The following BTNL9 variants were observed in gnomAD, a reference collection of about 807,000 sequenced individuals.
The protein encoded by BTNL9 is butyrophilin-like protein 9.
A neutral mutation model predicts 45.8 loss-of-function variants in BTNL9; 45 were observed. The ratio of observed to expected loss-of-function variants is 0.98; its 90% CI spans 0.77 to 1.26. The LOEUF (loss-of-function observed/expected upper bound fraction) is 1.26, where lower values mean the gene tolerates loss of function less well. Among genes scored for constraint, BTNL9 ranks in the 50% most tolerant of loss-of-function variants. BTNL9 has a pLI of 0.00. For synonymous variants in BTNL9, 346 were observed against 330.8 expected (o/e 1.05, Z -0.50); for missense variants, 784 against 729.7 (o/e 1.07, Z -0.86).
At chr5:181,049,999 G>A (rs1761445924) in intron 3 of BTNL9, 89 bp from the exon 4 acceptor site, 1 of 1,480,670 alleles carries the variant, frequency 6.8e-7, no homozygotes. Context: ...ATGCTTTATG[G>A]TGACTGCAAA....
Position 181,059,268 on chromosome 5 carries a change from C to A in BTNL9, c.1014C>A (p.His338Gln). ...VDVTLDPASAHPSLEVSEDGK... is the reference protein window; with the variant it reads ...VDVTLDPASAQPSLEVSEDGK... ...TGACGCTGGACCCGGCCTCGGCGCA[C>A]CCCAGCCTGGAGGTGTCGGAGGATG... is the stretch of plus-strand genomic sequence containing the variant. Residue 338 changes from histidine (H) to glutamine (Q), a missense_variant, in exon 11 of 11, where the codon CAC becomes CAA. Transcript: ENST00000327705. 2 of 1,570,154 alleles carry A rather than the reference C, an allele frequency of 1.3e-6. No individual in the cohort carries two copies. Among genetic ancestry groups the A allele is most frequent in the Non-Finnish European group, 1.7e-6 (2 of 1,166,834 alleles).
Position 181,059,345 on chromosome 5 carries a change from C to A in BTNL9, c.1091C>A (p.Pro364Gln), listed in dbSNP as rs776040983. Residue 364 changes from proline (P) to glutamine (Q), a missense_variant, in exon 11 of 11, where the codon CCG becomes CAG. Transcript: ENST00000327705. Reference sequence around the variant, plus strand: ...CCGCCAGGCCCGGCGCCTGGCCACCCGCAGCGGTTCTCGGAGCAGACGTGC... The same window carrying A: ...CCGCCAGGCCCGGCGCCTGGCCACCAGCAGCGGTTCTCGGAGCAGACGTGC... ...GAPPGPAPGH[P>Q]QRFSEQTCAL... 5 of 1,543,900 alleles carry A rather than the reference C, an allele frequency of 3.2e-6. No homozygotes were observed. The East Asian group carries it at 1.2e-4, about 37-fold the overall frequency.
intron 10 of BTNL9, 131 bp downstream of exon 10, chr5:181,058,509 C>CA: frequency 8.2e-7 from 1 of 1,216,852 alleles, no homozygotes; most frequent in South Asian, 1.2e-5. Flanking sequence ...ACACAAGACA[C>CA]ACACGCACAC....
Position 181,053,292 on chromosome 5 carries a change from C to A in BTNL9, c.829C>A (p.Leu277Ile). Residue 277 changes from leucine to isoleucine, a missense_variant, in exon 5 of 11, where the codon CTC becomes ATC. Coordinates refer to ENST00000327705, the MANE Select transcript of BTNL9 (RefSeq NM_152547.5). The surrounding 1 kb of genome is among the most constrained non-coding windows in gnomAD (Gnocchi z 6.5). Reference protein sequence around the residue: ...LVLAALALGVLRKQRRSREKL... With the variant: ...LVLAALALGVIRKQRRSREKL... ...CCTCGCGGCGCTGGCGCTGGGCGTC[C>A]TCCGGAAGCAGCGGAGAAGCCGAGG... The A allele has an allele frequency of 6.3e-7, 1 of 1,579,466 alleles. No homozygotes were observed. The highest frequency in any genetic ancestry group is 8.6e-7 in the Non-Finnish European group (1 of 1,164,768).
At chr5:181,046,923 G>A (rs1761210259) in intron 2 of BTNL9, among the ~76,000 whole-genome samples, 1 of 152,168 alleles carries the variant, frequency 6.6e-6, no homozygotes, top group South Asian at 2.1e-4. Flanking sequence ...TGTGGAGAGA[G>A]ACAGCCGGAG....
chr5:181,048,911 A>C (rs909608722), intron 3 of BTNL9, among the ~76,000 whole-genome samples: 2 of 140,634 alleles, frequency 1.4e-5, no homozygotes, highest in African/African-American at 5.3e-5. Flanking sequence ...AAATATATAT[A>C]ATATAAAAAT....
At chr5:181,051,361 A>G (rs116705348) in intron 4 of BTNL9, among the ~76,000 whole-genome samples, 3,597 of 152,280 alleles carry the variant, frequency 0.024, 47 homozygotes, top group Middle Eastern at 0.051. Flanking sequence ...CTATTTTATT[A>G]TAACAGAAAA....
At chr5:181,049,903 G>A (rs1761438844) in intron 3 of BTNL9, among the ~76,000 whole-genome samples, 185 bp from the exon 4 acceptor site, 1 of 152,234 alleles carries the variant, frequency 6.6e-6, no homozygotes, top group African/African-American at 2.4e-5. Context: ...GTCCCCACAT[G>A]CTACCACTGA....
In BTNL9 at chr5:181,050,595, T is replaced by C. The variant is rs1761480256; in HGVS notation, c.736+226T>C. 6.6e-6 allele frequency among the ~76,000 whole-genome samples: 1 copy of C among 152,108 alleles called. No individual in the cohort carries two copies. The highest frequency in any genetic ancestry group is 2.4e-5 in the African/African-American group (1 of 41,406). On this transcript the variant is annotated intron_variant, in intron 4 of 10. Transcript: ENST00000327705. The surrounding 1 kb of genome is among the most constrained non-coding windows in gnomAD (Gnocchi z 4.9). ...AGGCCCCAGAGAGCCCGCCTTTCTG[T>C]GCCTAAGGCCATACACTAAAACCCA...
intron 3 of BTNL9, among the ~76,000 whole-genome samples, chr5:181,048,980 G>T (rs1761387480): frequency 6.8e-6 from 1 of 146,164 alleles, no homozygotes; most frequent in Non-Finnish European, 1.5e-5. Context: ...ATTACTCATA[G>T]TGAGAGAAAG....
chr5:181,057,216 C>T (rs1156398436), intron 9 of BTNL9: 2 of 151,994 alleles, frequency 1.3e-5, no homozygotes, highest in East Asian at 3.8e-4. Flanking sequence ...GAAGACCTTC[C>T]TCACACTTAG....
rs1243972434 is a variant in BTNL9, at chr5:181,050,172, C to T, written c.539C>T (p.Pro180Leu). The T allele has an allele frequency of 6.2e-7, 1 of 1,613,928 alleles. No homozygotes were observed. Among genetic ancestry groups the T allele is most frequent in the East Asian group, 2.2e-5 (1 of 44,898 alleles). The change falls in exon 4 of 11, where the codon CCC becomes CTC. Residue 180 changes from proline to leucine, a missense_variant. Pro to Leu is a moderately conservative substitution (Grantham distance 98). Transcript: ENST00000327705. The surrounding 1 kb of genome is among the most constrained non-coding windows in gnomAD (Gnocchi z 4.9). ...AGGCTCAGATCCAGTGGCTGGTACC[C>T]CAAGCCTAAGGTTCAGTGGAGAGAC... Reference protein sequence around the residue: ...QLRLRSSGWYPKPKVQWRDHQ... With the variant: ...QLRLRSSGWYLKPKVQWRDHQ...
At chr5:181,043,682 TCA>T (rs1561973163) in intron 1 of BTNL9, among the ~76,000 whole-genome samples, 1 of 152,244 alleles carries the variant, frequency 6.6e-6, no homozygotes, top group African/African-American at 2.4e-5. Context: ...GGTTTTGCTG[TCA>T]TGGAGCTCTA....
At chr5:181,046,247 T>G (rs1761134603) in intron 2 of BTNL9, among the ~76,000 whole-genome samples, 1 of 103,542 alleles carries the variant, frequency 9.7e-6, no homozygotes, top group African/African-American at 4.1e-5. Flanking sequence ...CTCCCCAGCC[T>G]GTAGTGTTCC....
At chr5:181,051,739 G>C (rs1270715348) in intron 4 of BTNL9, among the ~76,000 whole-genome samples, 2 of 120,206 alleles carry the variant, frequency 1.7e-5, no homozygotes, top group African/African-American at 3.2e-5. Context: ...AATGAACTAA[G>C]AGAGGGGAAG....
intron 4 of BTNL9, chr5:181,052,952 G>A (rs1382225180): frequency 1.3e-5 from 2 of 150,730 alleles, no homozygotes; most frequent in African/African-American, 4.9e-5. Context: ...GGCCGCAGAA[G>A]CCTCGAGCCG....
Position 181,053,733 on chromosome 5 carries a change from G to T in BTNL9, c.886+232G>T. On this transcript the variant is annotated intron_variant, in intron 6 of 10. Coordinates refer to ENST00000327705, the MANE Select transcript of BTNL9 (RefSeq NM_152547.5). This position sits in a 1 kb window ranked among gnomAD's most constrained non-coding sequence, Gnocchi z 6.5. ...ACGGAGGCTAGTGCACAGATGTCAG[G>T]GTTGACCGGCTGCTGTCGTTACGCC... is the stretch of plus-strand genomic sequence containing the variant. 3 of 1,513,990 alleles carry T rather than the reference G, an allele frequency of 2.0e-6. No individual in the cohort carries two copies. The highest frequency in any genetic ancestry group is 2.1e-5 in the Admixed American group (1 of 48,722). 93.8% of individuals were successfully genotyped at this position (1,513,990 alleles called of 1,614,324 possible).
intron 10 of BTNL9, 77 bp from the exon 11 acceptor site, chr5:181,059,160 G>C (rs1319751394): frequency 1.4e-6 from 2 of 1,413,356 alleles, no homozygotes; most frequent in African/African-American, 3.0e-5. Context: ...AGAAACGAGA[G>C]GTTTGTCCGC....
chr5:181,054,784 G>T (rs1761789961), intron 7 of BTNL9: 1 of 985,288 alleles, frequency 1.0e-6, no homozygotes, highest in Admixed American at 6.2e-5. Context: ...GTAAGGTTGG[G>T]AAAGCTTGTC....
Sources: gnomAD v4.1 joint callset for allele counts (sites outside exome capture counted in the v4.1 genomes callset) on GRCh38, gnomAD v4.1.1 for gene constraint, Gnocchi (gnomAD v3.1) non-coding constraint, MANE v1.5 for transcripts, NCBI Gene and HGNC (gene_info 2026-07-23, HGNC 2026-07-21) for gene names.